Variants in CSNK1E observed in about 807,000 individuals in gnomAD.
CSNK1E encodes the protein casein kinase 1 epsilon.
A neutral mutation model predicts 46.1 loss-of-function variants in CSNK1E; 17 were observed. The ratio of observed to expected loss-of-function variants is 0.37; its 90% CI spans 0.25 to 0.55. The LOEUF (loss-of-function observed/expected upper bound fraction) is 0.55. Among genes scored for constraint, CSNK1E ranks in the 20% least tolerant of loss-of-function variants. The probability of loss-of-function intolerance (pLI) is 0.82; values close to 1 mark genes in which losing one functional copy is unlikely to be tolerated. For synonymous variants in CSNK1E, 241 were observed against 242.6 expected (o/e 0.99, Z 0.06); for missense variants, 386 against 595.4 (o/e 0.65, Z 3.66).
chr22:38,316,399 G>A (rs1275601080), intron 1 of CSNK1E, among the ~76,000 whole-genome samples: 2 of 152,202 alleles, frequency 1.3e-5, no homozygotes, highest in Non-Finnish European at 2.9e-5. Flanking sequence ...TCTCCAGGAA[G>A]GAGGCTATGC....
At position 38,298,405 on chromosome 22, in the gene CSNK1E, G is replaced by T. The variant is rs2092652469; in HGVS notation, c.885+381C>A. On this transcript the variant is annotated intron_variant, in intron 7 of 10. Coordinates refer to ENST00000396832, the MANE Select transcript of CSNK1E (RefSeq NM_152221.3). The surrounding 1 kb of genome is among the most constrained non-coding windows in gnomAD (Gnocchi z 4.2). ...TGACTGGGTCCAGGCTGGCCCGAGG[G>T]GCCATGGTGCAGGTAGCCACCTGGG... Among the ~76,000 whole-genome samples, 1 of 152,152 alleles carries T rather than the reference G, an allele frequency of 6.6e-6. No homozygotes were observed. The highest frequency in any genetic ancestry group is 1.5e-5 in the Non-Finnish European group (1 of 68,030).
intron 4 of CSNK1E, among the ~76,000 whole-genome samples, chr22:38,302,016 TAAC>T (rs1202058141): frequency 6.6e-6 from 1 of 152,182 alleles, no homozygotes; most frequent in African/African-American, 2.4e-5. Flanking sequence ...GCTTAGTACT[TAAC>T]AACAGCCTGT....
At chr22:38,307,129 C>T (rs987676376) in intron 2 of CSNK1E, among the ~76,000 whole-genome samples, 2 of 152,066 alleles carry the variant, frequency 1.3e-5, no homozygotes, top group African/African-American at 4.8e-5. Context: ...TATGATCACA[C>T]CACCACACTC....
At chr22:38,314,254 AG>A (rs1273224327) in intron 1 of CSNK1E, 85 bp from the exon 2 acceptor site, 16 of 1,047,324 alleles carry the variant, frequency 1.5e-5, no homozygotes, top group East Asian at 1.5e-4. Context: ...CAGAGCCACC[AG>A]GAACTCGAAA....
At chr22:38,301,448 T>C (rs1569078310) in intron 4 of CSNK1E, among the ~76,000 whole-genome samples, 1 of 152,018 alleles carries the variant, frequency 6.6e-6, no homozygotes, top group Non-Finnish European at 1.5e-5. Context: ...TATTTTTTTT[T>C]TTGAGATGGA....
At chr22:38,313,839 C>T (rs1417997108) in intron 2 of CSNK1E, among the ~76,000 whole-genome samples, 2 of 152,232 alleles carry the variant, frequency 1.3e-5, no homozygotes, top group South Asian at 4.1e-4. Context: ...ACAAAAGAAC[C>T]GCATGACTCC....
At chr22:38,299,433 G>C (rs2092659129) in intron 6 of CSNK1E, among the ~76,000 whole-genome samples, 1 of 152,236 alleles carries the variant, frequency 6.6e-6, no homozygotes, top group Non-Finnish European at 1.5e-5. Flanking sequence ...CCAGGACAGG[G>C]AAACCGGGCC....
intron 7 of CSNK1E, chr22:38,296,928 C>T (rs143454416): frequency 4.1e-5 from 25 of 612,832 alleles, no homozygotes; most frequent in Middle Eastern, 8.7e-4. Flanking sequence ...GAACACACCA[C>T]CATGCCCAGC....
intron 1 of CSNK1E, 47 bp from the exon 2 acceptor site, chr22:38,314,216 G>T: frequency 6.6e-7 from 1 of 1,504,512 alleles, no homozygotes. Context: ...GGGGAGCCGG[G>T]AAAGGGGTCC....
At position 38,300,064 on chromosome 22, in the gene CSNK1E, C is replaced by T. The variant is rs1569077675; in HGVS notation, c.567G>A (p.Glu189=). 1 of 1,613,670 alleles carries T rather than the reference C, an allele frequency of 6.2e-7. No homozygotes were observed. The highest frequency in any genetic ancestry group is 8.5e-7 in the Non-Finnish European group (1 of 1,179,850). ...TCTCCAGGTCATCTCGACGGCTTTG[C>T]TCTGCACAGAGAGTCAAAGACTAGG... ...YASINTHLGI[E]QSRRDDLESL... The change falls in exon 6 of 11, where the codon GAG becomes GAA. Residue 189 remains glutamate, a splice_region_variant and synonymous_variant. Transcript: ENST00000396832. This position sits in a 1 kb window ranked among gnomAD's most constrained non-coding sequence, Gnocchi z 4.4.
chr22:38,293,138 T>C (rs1362745958), intron 10 of CSNK1E, 117 bp downstream of exon 10: 5 of 838,392 alleles, frequency 6.0e-6, no homozygotes, highest in Non-Finnish European at 1.0e-5. Flanking sequence ...GGGCGCCTGG[T>C]ACCATCTGCC....
chr22:38,296,381 AG>A, intron 7 of CSNK1E: 2 of 1,398,446 alleles, frequency 1.4e-6, no homozygotes, highest in Non-Finnish European at 1.9e-6. Flanking sequence ...TCCAGGCCCC[AG>A]GGATCCACAG....
chr22:38,308,290 C>T (rs1169700239), intron 2 of CSNK1E, among the ~76,000 whole-genome samples: 2 of 152,144 alleles, frequency 1.3e-5, no homozygotes, highest in Non-Finnish European at 2.9e-5. Flanking sequence ...AATGAAAGTA[C>T]TTTGCAAACT....
At chr22:38,295,036 G>A (rs989307375) in intron 7 of CSNK1E, among the ~76,000 whole-genome samples, 1 of 152,208 alleles carries the variant, frequency 6.6e-6, no homozygotes, top group African/African-American at 2.4e-5. Flanking sequence ...CTAGGACTCA[G>A]ACCAGCTCTC....
rs117527714 is a variant in CSNK1E, at chr22:38,292,768, T to A, written c.*32+487A>T. ...TACAGTCCGGGAAGAACCAGCAGGCTCACGCTGGCCAGAGGGCCTCTCTCA... is the reference window on the plus strand; with the variant it reads ...TACAGTCCGGGAAGAACCAGCAGGCACACGCTGGCCAGAGGGCCTCTCTCA... On this transcript the variant is annotated intron_variant, in intron 10 of 10. Transcript: ENST00000396832. The A allele has an allele frequency of 7.1e-4, 114 of 160,660 alleles. 1 individual carries two copies. The East Asian group carries it at 0.017, about 24-fold the overall frequency. 10.0% of individuals were successfully genotyped at this position (160,660 alleles called of 1,614,324 possible). A position where few individuals can be genotyped will look rare whatever the true frequency, so the allele number is the denominator to read the frequency against.
chr22:38,293,127 G>C (rs952616736), intron 10 of CSNK1E, 128 bp downstream of exon 10: 1 of 779,960 alleles, frequency 1.3e-6, no homozygotes. Flanking sequence ...TTAGAGTTCT[G>C]GGGCGCCTGG....
At chr22:38,297,898 C>G in intron 7 of CSNK1E, 1 of 1,068,046 alleles carries the variant, frequency 9.4e-7, no homozygotes, top group South Asian at 2.4e-5. Context: ...AAATGGGGCC[C>G]TGGAGTCCAG....
In CSNK1E at chr22:38,294,588, G is replaced by T; in HGVS notation, c.886-54C>A. 2 of 1,504,786 alleles carry T rather than the reference G, an allele frequency of 1.3e-6. No homozygotes were observed. The highest frequency in any genetic ancestry group is 8.9e-7 in the Non-Finnish European group (1 of 1,123,198). The allele number at this position is 1,504,786 out of a possible 1,614,324, so 93.2% of individuals were successfully genotyped here. A position where few individuals can be genotyped will look rare whatever the true frequency, so the allele number is the denominator to read the frequency against. ...CAGCCCCAGAGGCCAGGGTGCTCTG[G>T]GCCCAGCAGCCCTGCAGGGCACAGA... is the stretch of plus-strand genomic sequence containing the variant. On this transcript the variant is annotated intron_variant, in intron 7 of 10. Transcript: ENST00000396832. The surrounding 1 kb of genome is among the most constrained non-coding windows in gnomAD (Gnocchi z 5.5).
chr22:38,312,247 C>T (rs2092724247), intron 2 of CSNK1E, among the ~76,000 whole-genome samples: 1 of 152,238 alleles, frequency 6.6e-6, no homozygotes, highest in African/African-American at 2.4e-5. Flanking sequence ...TGCCGCCATG[C>T]CCAGCTACTT....
Sources: gnomAD v4.1 joint callset for allele counts (sites outside exome capture counted in the v4.1 genomes callset) on GRCh38, gnomAD v4.1.1 for gene constraint, Gnocchi (gnomAD v3.1) non-coding constraint, MANE v1.5 for transcripts, NCBI Gene and HGNC (gene_info 2026-07-23, HGNC 2026-07-21) for gene names.